CEP70: variants seen among roughly 807,000 people sequenced by gnomAD.
CEP70 encodes the protein centrosomal protein of 70 kDa.
CEP70 carries 70 observed loss-of-function variants against 90.9 expected under a neutral mutation model. The observed-to-expected ratio is 0.77, with a 90% CI of 0.64 to 0.94. The LOEUF is 0.94. CEP70 is among the 40% of genes least tolerant of loss of function. The probability of loss-of-function intolerance (pLI) is 0.00; values close to 1 mark genes in which losing one functional copy is unlikely to be tolerated. For missense variants in CEP70, 648 were observed against 669.0 expected (o/e 0.97, Z 0.35); for synonymous variants, 220 against 228.3 (o/e 0.96, Z 0.33).
At chr3:138,544,592 G>T (rs1217587735) in intron 6 of CEP70, among the ~76,000 whole-genome samples, 1 of 151,982 alleles carries the variant, frequency 6.6e-6, no homozygotes, top group Admixed American at 6.6e-5. Context: ...ACATATTGAA[G>T]AGGTATCTGT....
At chr3:138,571,837 G>C (rs547417918) in intron 3 of CEP70, among the ~76,000 whole-genome samples, 1 of 152,154 alleles carries the variant, frequency 6.6e-6, no homozygotes, top group East Asian at 1.9e-4. Context: ...GGAGTGCAGC[G>C]GTACGATCTC....
chr3:138,581,576 G>T (rs75331859), intron 2 of CEP70, among the ~76,000 whole-genome samples: 1 of 151,160 alleles, frequency 6.6e-6, no homozygotes, highest in Non-Finnish European at 1.5e-5. Flanking sequence ...AGTGGCACAC[G>T]CATGTAATCC....
intron 7 of CEP70, among the ~76,000 whole-genome samples, chr3:138,535,095 A>T (rs962617430): frequency 1.3e-5 from 2 of 152,136 alleles, no homozygotes; most frequent in Admixed American, 1.3e-4. Flanking sequence ...AAGTCTCTCA[A>T]AGTTACAGCA....
chr3:138,579,771 C>G lies in CEP70; in HGVS notation c.-5-6839G>C, dbSNP rs7638567. On this transcript the variant is annotated intron_variant, in intron 2 of 17. Transcript: ENST00000264982. ...TGAGACTCAGACATGCTGGCTTCAG[C>G]TGTGATCCAGCACATTCACAGCTGT... Among the ~76,000 whole-genome samples the G allele has an allele frequency of 5.6e-3, 857 of 152,054 alleles. 7 individuals carry two copies. Among genetic ancestry groups the G allele is most frequent in the African/African-American group, 0.02 (825 of 41,498 alleles).
At chr3:138,590,822 A>C (rs2042347098) in intron 2 of CEP70, among the ~76,000 whole-genome samples, 2 of 149,676 alleles carry the variant, frequency 1.3e-5, no homozygotes, top group African/African-American at 5.1e-5. Flanking sequence ...TAAATAAATA[A>C]TAAAAAAAAA....
intron 6 of CEP70, among the ~76,000 whole-genome samples, chr3:138,554,163 C>T (rs1275904672): frequency 1.3e-5 from 2 of 151,068 alleles, no homozygotes; most frequent in Non-Finnish European, 1.5e-5. Flanking sequence ...ATCATGCCAC[C>T]GCACTCTAGC....
At chr3:138,563,199 TAA>T (rs981000485) in intron 6 of CEP70, among the ~76,000 whole-genome samples, 1 of 152,032 alleles carries the variant, frequency 6.6e-6, no homozygotes, top group African/African-American at 2.4e-5. Flanking sequence ...ATTCATAAAG[TAA>T]AGTTCTTAGA....
chr3:138,568,050 C>A (rs2040908684), intron 6 of CEP70, among the ~76,000 whole-genome samples: 1 of 152,134 alleles, frequency 6.6e-6, no homozygotes, highest in Non-Finnish European at 1.5e-5. Context: ...CTTAAAAAAA[C>A]AAACAGCCAA....
intron 6 of CEP70, among the ~76,000 whole-genome samples, chr3:138,545,592 G>A (rs950576084): frequency 3.9e-5 from 6 of 152,140 alleles, no homozygotes; most frequent in Non-Finnish European, 7.3e-5. Flanking sequence ...CTGCCTGCAG[G>A]GTCAGGCAGA....
At chr3:138,591,702 C>G (rs2042392163) in intron 2 of CEP70, among the ~76,000 whole-genome samples, 152 bp downstream of exon 2, 1 of 152,184 alleles carries the variant, frequency 6.6e-6, no homozygotes, top group Admixed American at 6.5e-5. Flanking sequence ...TGAGCTTCAG[C>G]TTCTTTGCTG....
At chr3:138,592,904 C>A (rs1473801982) in intron 1 of CEP70, 1 of 152,168 alleles carries the variant, frequency 6.6e-6, no homozygotes, top group Non-Finnish European at 1.5e-5. Flanking sequence ...GTCTCTATTC[C>A]TTATTAAATG....
chr3:138,592,618 T>C (rs1488356890), intron 1 of CEP70, among the ~76,000 whole-genome samples: 1 of 152,196 alleles, frequency 6.6e-6, no homozygotes, highest in African/African-American at 2.4e-5. Context: ...AAGCCAAGCA[T>C]AGAAAAGCAA....
At chr3:138,497,144 A>G (rs1029810487) in intron 17 of CEP70, 1 of 1,099,598 alleles carries the variant, frequency 9.1e-7, no homozygotes, top group African/African-American at 1.7e-5. Flanking sequence ...AAGCAAGCTC[A>G]CTCATTGTCT....
intron 6 of CEP70, among the ~76,000 whole-genome samples, chr3:138,553,362 C>G (rs1015192668): frequency 3.3e-5 from 5 of 151,960 alleles, no homozygotes; most frequent in African/African-American, 9.7e-5. Context: ...TGCCTATAGT[C>G]CCAGCTACTT....
chr3:138,497,665 G>C (rs969666625), intron 17 of CEP70: 1 of 979,866 alleles, frequency 1.0e-6, no homozygotes, highest in Non-Finnish European at 1.2e-6. Context: ...AAATTTTGTA[G>C]ATAGGTGGTA....
Position 138,557,669 on chromosome 3 carries a change from A to G in CEP70, c.465+12649T>C, listed in dbSNP as rs139119785. On this transcript the variant is annotated intron_variant, in intron 6 of 17. Transcript: ENST00000264982. ...TTTGGGGACTCAGAGGGAAAGGGTGAAAAGGGAGTGAGGAACAAAAGACTA... is the reference window on the plus strand; with the variant it reads ...TTTGGGGACTCAGAGGGAAAGGGTGGAAAGGGAGTGAGGAACAAAAGACTA... Among the ~76,000 whole-genome samples the G allele has an allele frequency of 6.6e-4, 101 of 152,306 alleles. 1 individual carries two copies. Among genetic ancestry groups the G allele is most frequent in the Admixed American group, 6.1e-3 (94 of 15,296 alleles).
At chr3:138,529,321 T>C (rs762098675) in intron 9 of CEP70, 34 bp from the exon 10 acceptor site, 3 of 1,567,574 alleles carry the variant, frequency 1.9e-6, no homozygotes, top group East Asian at 2.2e-5. Flanking sequence ...TAATTAACTT[T>C]CTTAGATTAC....
chr3:138,516,591 G>T (rs2036051759), intron 11 of CEP70, among the ~76,000 whole-genome samples: 1 of 152,028 alleles, frequency 6.6e-6, no homozygotes, highest in African/African-American at 2.4e-5. Context: ...TCACTACATT[G>T]CCCAGTCTGG....
intron 6 of CEP70, among the ~76,000 whole-genome samples, chr3:138,561,069 T>C (rs1243400715): frequency 6.6e-6 from 1 of 152,070 alleles, no homozygotes; most frequent in Non-Finnish European, 1.5e-5. Flanking sequence ...CTCAAGTGGA[T>C]CACTGAACTC....
Sources: allele counts gnomAD v4.1 joint callset (sites outside exome capture counted in the v4.1 genomes callset), GRCh38; gene constraint gnomAD v4.1.1; transcripts MANE v1.5; gene names NCBI Gene and HGNC (gene_info 2026-07-23, HGNC 2026-07-21).